ZNF732: variants seen among roughly 807,000 people sequenced by gnomAD.
The protein encoded by ZNF732 is zinc finger protein LOC654254.
In ZNF732, 12 loss-of-function variants were observed where a neutral mutation model predicts 11.5. The observed-to-expected ratio is 1.05, with a 90% CI of 0.67 to 1.70. ZNF732 has a LOEUF of 1.70. ZNF732 is among the 40% of genes most tolerant of loss of function. The probability of loss-of-function intolerance (pLI) is 0.00; values close to 1 mark genes in which losing one functional copy is unlikely to be tolerated. For synonymous variants in ZNF732, 231 were observed against 236.5 expected (o/e 0.98, Z 0.21); for missense variants, 702 against 676.9 (o/e 1.04, Z -0.41).
In ZNF732 at chr4:273,633, A is replaced by G. The variant is rs369848507; in HGVS notation, c.227-1003T>C. Among the ~76,000 whole-genome samples, 7 of 152,042 alleles carry G rather than the reference A, an allele frequency of 4.6e-5. No individual in the cohort carries two copies. In the South Asian group the frequency reaches 6.2e-4, roughly 13 times the overall value. On this transcript the variant is annotated intron_variant, in intron 3 of 3. Coordinates refer to ENST00000419098, the MANE Select transcript of ZNF732 (RefSeq NM_001137608.3). ...TAAAGACAGAAATTTTCAAGTTAAA[A>G]AAGGATATAAAAACGGAAGAAGCTC...
intron 3 of ZNF732, among the ~76,000 whole-genome samples, chr4:290,137 T>G (rs1553841164): frequency 1.3e-5 from 2 of 152,226 alleles, no homozygotes; most frequent in African/African-American, 4.8e-5. Context: ...GTATTTTACT[T>G]AGTAAACTCC....
chr4:281,631 G>C (rs1232583762), intron 3 of ZNF732, among the ~76,000 whole-genome samples: 1 of 152,152 alleles, frequency 6.6e-6, no homozygotes, highest in African/African-American at 2.4e-5. Context: ...GTAGCTACGT[G>C]ACCCGGATTC....
chr4:272,301 G>C lies in ZNF732; in HGVS notation c.556C>G (p.Gln186Glu). The C allele has an allele frequency of 1.2e-6, 2 of 1,612,840 alleles. No homozygotes were observed. The highest frequency in any genetic ancestry group is 1.7e-6 in the Non-Finnish European group (2 of 1,179,278). The change falls in exon 4 of 4, where the codon CAA becomes GAA. Residue 186 changes from glutamine (Q) to glutamate (E), a missense_variant. Transcript: ENST00000419098. Reference protein sequence around the residue: ...FQKFSDLTQHQGIHAGEKPYT... With the variant: ...FQKFSDLTQHEGIHAGEKPYT... ...GGTTTCTCTCCAGCATGAATTCCTT[G>C]ATGTTGAGTTAGGTCTGAGAACTTC...
chr4:289,645 AT>A (rs1719800496), intron 3 of ZNF732, among the ~76,000 whole-genome samples: 1 of 152,216 alleles, frequency 6.6e-6, no homozygotes, highest in Non-Finnish European at 1.5e-5. Flanking sequence ...TGAATGAGGG[AT>A]TTTTTTTCTT....
At chr4:298,332 G>C (rs782085286) in intron 1 of ZNF732, among the ~76,000 whole-genome samples, 13 of 152,046 alleles carry the variant, frequency 8.6e-5, no homozygotes, top group South Asian at 2.1e-4. Flanking sequence ...GACCATGACT[G>C]CATCACCTCT....
At chr4:303,052 T>C (rs568811860) in intron 1 of ZNF732, among the ~76,000 whole-genome samples, 1 of 152,296 alleles carries the variant, frequency 6.6e-6, no homozygotes, top group East Asian at 1.9e-4. Context: ...TAAAATACTG[T>C]GGCGAGCAAT....
rs1553843294 is a variant in ZNF732 at position 299,558 on chromosome 4, T to A, written c.4-3403A>T. On this transcript the variant is annotated intron_variant, in intron 1 of 3. Coordinates refer to ENST00000419098, the MANE Select transcript of ZNF732 (RefSeq NM_001137608.3). Reference sequence around the variant, plus strand: ...ACATATATACACATATATATGTATATATATAGTTTTATATATATAATTTAT... The same window carrying A: ...ACATATATACACATATATATGTATAAATATAGTTTTATATATATAATTTAT... Among the ~76,000 whole-genome samples the A allele has an allele frequency of 3.5e-4, 49 of 140,196 alleles. 1 individual carries two copies. The highest frequency in any genetic ancestry group is 1.3e-3 in the African/African-American group (48 of 38,120). The allele number at this position is 140,196 out of a possible 152,430, so 92.0% of individuals were successfully genotyped here.
At position 272,065 on chromosome 4, in the gene ZNF732, G is replaced by T. The variant is rs1719390342; in HGVS notation, c.792C>A (p.Thr264=). ...CATGAATTCTCTTATGCTTAGTAAG[G>T]GTTGAGGACCTATTAAAGGCTTTGC... ...ECGKAFNRSS[T]LTKHKRIHAE... Residue 264 remains threonine (T), a synonymous_variant, in exon 4 of 4, where the codon ACC becomes ACA. Coordinates refer to ENST00000419098, the MANE Select transcript of ZNF732 (RefSeq NM_001137608.3). 6.2e-7 allele frequency: 1 copy of T among 1,610,790 alleles called. No homozygotes were observed. The highest frequency in any genetic ancestry group is 1.3e-5 in the African/African-American group (1 of 74,634).
chr4:303,464 A>AAAATTAGCTGGGCGT (rs1720158665), intron 1 of ZNF732, among the ~76,000 whole-genome samples: 1 of 152,160 alleles, frequency 6.6e-6, no homozygotes, highest in Non-Finnish European at 1.5e-5. Flanking sequence ...TAAAATTAGA[A>AAAATTAGCTGGGCGT]AAATTAGCTG....
chr4:293,800 G>A (rs1553841760), intron 3 of ZNF732, among the ~76,000 whole-genome samples: 1 of 151,928 alleles, frequency 6.6e-6, no homozygotes, highest in Non-Finnish European at 1.5e-5. Context: ...TAAAATATGT[G>A]CATATCATTA....
At chr4:304,325 C>G (rs1310200563) in intron 1 of ZNF732, among the ~76,000 whole-genome samples, 3 of 151,950 alleles carry the variant, frequency 2.0e-5, no homozygotes, top group African/African-American at 7.2e-5. Flanking sequence ...GGAAGGAGAC[C>G]TGGAGGAAAA....
intron 1 of ZNF732, among the ~76,000 whole-genome samples, chr4:297,331 A>G (rs1356888468): frequency 6.6e-6 from 1 of 152,064 alleles, no homozygotes; most frequent in Non-Finnish European, 1.5e-5. Flanking sequence ...TGGAGCATGT[A>G]CTATGTGCTC....
At position 272,278 on chromosome 4, in the gene ZNF732, T is replaced by C. The variant is rs782672327; in HGVS notation, c.579A>G (p.Lys193=). The change falls in exon 4 of 4, where the codon AAA becomes AAG. Residue 193 remains lysine (K), a synonymous_variant. Transcript: ENST00000419098. ...TQHQGIHAGE[K]PYTCEECGKD... ...TGCCACATTCTTCACATGTGTAGGG[T>C]TTCTCTCCAGCATGAATTCCTTGAT... 3.2e-5 allele frequency: 51 copies of C among 1,613,262 alleles called. No individual in the cohort carries two copies. Among genetic ancestry groups the C allele is most frequent in the Non-Finnish European group, 2.1e-5 (25 of 1,179,610 alleles).
At position 270,814 on chromosome 4, in the gene ZNF732, G is replaced by T; in HGVS notation, c.*285C>A. 2 of 623,618 alleles carry T rather than the reference G, an allele frequency of 3.2e-6. No individual in the cohort carries two copies. The highest frequency in any genetic ancestry group is 1.6e-5 in the South Asian group (1 of 63,234). 38.6% of individuals were successfully genotyped at this position (623,618 alleles called of 1,614,324 possible). A position where few individuals can be genotyped will look rare whatever the true frequency, so the allele number is the denominator to read the frequency against. On this transcript the variant is annotated 3_prime_UTR_variant, in exon 4 of 4. Transcript: ENST00000419098. ...TTTCTTATGTTCACTCAGGGTTGTG[G>T]ACCATCTAAAAGCTTTGCCACATTC...
At chr4:290,146 C>T (rs1719813678) in intron 3 of ZNF732, among the ~76,000 whole-genome samples, 1 of 152,124 alleles carries the variant, frequency 6.6e-6, no homozygotes, top group African/African-American at 2.4e-5. Context: ...TTAGTAAACT[C>T]CTACAAAACA....
intron 3 of ZNF732, among the ~76,000 whole-genome samples, chr4:289,954 T>A (rs1719806633): frequency 6.6e-6 from 1 of 152,180 alleles, no homozygotes; most frequent in Admixed American, 6.5e-5. Flanking sequence ...TCAAACATCC[T>A]TCAACAGTTG....
intron 3 of ZNF732, among the ~76,000 whole-genome samples, chr4:285,362 C>T (rs1040890768): frequency 1.3e-5 from 2 of 152,130 alleles, no homozygotes; most frequent in Non-Finnish European, 2.9e-5. Flanking sequence ...GCCTAGGCTA[C>T]TGGAGGAAAC....
At chr4:298,462 A>T (rs1308961810) in intron 1 of ZNF732, among the ~76,000 whole-genome samples, 1 of 152,186 alleles carries the variant, frequency 6.6e-6, no homozygotes, top group Non-Finnish European at 1.5e-5. Context: ...TTTGGGTACA[A>T]ACCAAGGAGA....
At chr4:274,972 C>T (rs1258660369) in intron 3 of ZNF732, among the ~76,000 whole-genome samples, 1 of 151,174 alleles carries the variant, frequency 6.6e-6, no homozygotes, top group Non-Finnish European at 1.5e-5. Context: ...ATTTAAATAC[C>T]CCAGTTTCTG....
Sources: allele counts gnomAD v4.1 joint callset (sites outside exome capture counted in the v4.1 genomes callset), GRCh38; gene constraint gnomAD v4.1.1; transcripts MANE v1.5; gene names NCBI Gene and HGNC (gene_info 2026-07-23, HGNC 2026-07-21).